Variants in NRK observed in about 807,000 individuals in gnomAD.
NRK encodes nik-related protein kinase.
NRK carries 67 observed loss-of-function variants against 125.2 expected under a neutral mutation model. The observed-to-expected ratio is 0.54, with a 90% CI of 0.44 to 0.66. NRK has a LOEUF of 0.66. Ranked by LOEUF, NRK falls within the 30% of genes least tolerant of loss-of-function variation. The pLI, the probability that NRK is intolerant of heterozygous loss-of-function variation, is 0.00. For missense variants in NRK, 1,224 were observed against 1,192.9 expected (o/e 1.03, Z -0.38); for synonymous variants, 458 against 429.0 (o/e 1.07, Z -0.84).
At chrX:105,862,050 A>G (rs1175828539) in intron 2 of NRK, among the ~76,000 whole-genome samples, 3 of 107,699 alleles carry the variant, frequency 2.8e-5, no homozygotes, top group Non-Finnish European at 3.8e-5. Flanking sequence ...GCGGCACAGC[A>G]AGACTCTTAT....
intron 16 of NRK, among the ~76,000 whole-genome samples, chrX:105,918,445 A>G (rs2040394270): frequency 9.0e-6 from 1 of 111,533 alleles, no homozygotes; most frequent in East Asian, 2.8e-4. Context: ...AAAATGATAC[A>G]GATGTACTTC....
intron 9 of NRK, among the ~76,000 whole-genome samples, chrX:105,905,000 A>C (rs1270635204): frequency 8.9e-6 from 1 of 112,626 alleles, no homozygotes; most frequent in East Asian, 2.8e-4. Context: ...TAAATTATCA[A>C]CTATACATTT....
At chrX:105,824,289 A>T (rs1929966742) in intron 1 of NRK, among the ~76,000 whole-genome samples, 1 of 111,797 alleles carries the variant, frequency 8.9e-6, no homozygotes, top group African/African-American at 3.3e-5. Flanking sequence ...CAGTGTGCAT[A>T]CATGAGATTT....
chrX:105,836,075 G>A (rs2039261527), intron 2 of NRK, among the ~76,000 whole-genome samples: 1 of 112,012 alleles, frequency 8.9e-6, no homozygotes, highest in Non-Finnish European at 1.9e-5. Flanking sequence ...TAATGCTCAT[G>A]TCCCATCTCT....
intron 10 of NRK, 34 bp downstream of exon 10, chrX:105,905,377 T>C: frequency 1.0e-6 from 1 of 991,642 alleles, no homozygotes; most frequent in Non-Finnish European, 1.4e-6. Context: ...CTAATTACAT[T>C]GACTTGACAT....
intron 2 of NRK, among the ~76,000 whole-genome samples, chrX:105,875,527 T>C (rs1039715333): frequency 9.0e-6 from 1 of 111,656 alleles, no homozygotes; most frequent in African/African-American, 3.2e-5. Flanking sequence ...TTCATTATCT[T>C]AATAACATGG....
At chrX:105,926,650 A>G (rs1475109302) in intron 19 of NRK, among the ~76,000 whole-genome samples, 1 of 111,333 alleles carries the variant, frequency 9.0e-6, no homozygotes, top group African/African-American at 3.3e-5. Context: ...TCTCTAATCT[A>G]TTTTGAGTTG....
At chrX:105,891,264 A>G (rs1210356805) in intron 5 of NRK, among the ~76,000 whole-genome samples, 1 of 111,798 alleles carries the variant, frequency 8.9e-6, no homozygotes, top group Non-Finnish European at 1.9e-5. Context: ...AACCTATGCT[A>G]CCTAAGTCAC....
rs2040318967 is a variant in NRK at position 105,912,768 on chromosome X, A to G, written c.2349+13A>G. The G allele has an allele frequency of 2.3e-6, 2 of 866,846 alleles. No individual in the cohort carries two copies. Among genetic ancestry groups the G allele is most frequent in the Non-Finnish European group, 3.3e-6 (2 of 614,154 alleles). The allele number at this position is 866,846 out of a possible 1,213,427, so 71.4% of individuals were successfully genotyped here. On this transcript the variant is annotated intron_variant, in intron 14 of 28. Coordinates refer to ENST00000243300, the MANE Select transcript of NRK (RefSeq NM_198465.4). ...TAAAAAAATTGAGGTAAATTTTTCAATATGAGTTGTTGTGACATTAGTAAG... is the reference window on the plus strand; with the variant it reads ...TAAAAAAATTGAGGTAAATTTTTCAGTATGAGTTGTTGTGACATTAGTAAG...
chrX:105,939,736 A>T, intron 22 of NRK, 138 bp from the exon 23 acceptor site: 1 of 409,585 alleles, frequency 2.4e-6, no homozygotes, highest in Non-Finnish European at 4.2e-6. Flanking sequence ...GGAGATTCTG[A>T]TGCAATGCAG....
chrX:105,874,466 C>A (rs16984861), intron 2 of NRK, among the ~76,000 whole-genome samples: 4 of 111,155 alleles, frequency 3.6e-5, no homozygotes, highest in Non-Finnish European at 7.5e-5. Flanking sequence ...ATTCTGGGTC[C>A]CCAGTGTAAA....
intron 4 of NRK, among the ~76,000 whole-genome samples, chrX:105,885,233 T>C (rs963725813): frequency 8.9e-6 from 1 of 112,527 alleles, no homozygotes; most frequent in Non-Finnish European, 1.9e-5. Context: ...TTAGAGCTAC[T>C]ATGAATTCAA....
At chrX:105,914,409 A>C (rs953300649) in intron 14 of NRK, among the ~76,000 whole-genome samples, 7 of 111,477 alleles carry the variant, frequency 6.3e-5, no homozygotes, top group African/African-American at 2.3e-4. Context: ...CTGACACTTT[A>C]AGCAGGAAAT....
At position 105,946,360 on chromosome X, in the gene NRK, A is replaced by G. The variant is rs1016299498; in HGVS notation, c.4249A>G (p.Ile1417Val). 8.3e-7 allele frequency: 1 copy of G among 1,198,605 alleles called. No homozygotes were observed. The highest frequency in any genetic ancestry group is 1.1e-6 in the Non-Finnish European group (1 of 883,742). The change falls in exon 26 of 29, where the codon ATT (isoleucine) becomes GTT (valine). Residue 1417 changes from isoleucine to valine, a missense_variant. Coordinates refer to ENST00000243300, the MANE Select transcript of NRK (RefSeq NM_198465.4). ...TAAGCCAGTGACAGTTGACCTGGCT[A>G]TTGGTTCTGAAAAAAGACTAAAGAT... ...DHKPVTVDLA[I>V]GSEKRLKIFF...
chrX:105,952,907 A>G (rs909338862), intron 27 of NRK, 127 bp from the exon 28 acceptor site: 3 of 540,391 alleles, frequency 5.6e-6, no homozygotes, highest in Non-Finnish European at 8.1e-6. Context: ...GGAGGGAAAA[A>G]CAGGATGTGC....
chrX:105,957,821 C>T lies in NRK; in HGVS notation c.*2221C>T, dbSNP rs756991333. The stretch of plus-strand genomic sequence containing the variant: ...GCTCATAGGTAATGAATATTTCTGA[C>T]TTAGATGTAAATCCATCTGGAATCT... On this transcript the variant is annotated 3_prime_UTR_variant, in exon 29 of 29. Coordinates refer to ENST00000243300, the MANE Select transcript of NRK (RefSeq NM_198465.4). 2.7e-5 allele frequency: 3 copies of T among 112,627 alleles called. No individual in the cohort carries two copies. Among genetic ancestry groups the T allele is most frequent in the Non-Finnish European group, 5.6e-5 (3 of 53,332 alleles). The allele number at this position is 112,627 out of a possible 1,213,427, so 9.3% of individuals were successfully genotyped here.
At chrX:105,905,193 C>T in intron 9 of NRK, 72 bp from the exon 10 acceptor site, 2 of 731,055 alleles carry the variant, frequency 2.7e-6, no homozygotes, top group Non-Finnish European at 4.2e-6. Context: ...CTGAGAATCC[C>T]CTCTGGAATA....
At chrX:105,930,632 C>T (rs1038688914) in intron 19 of NRK, among the ~76,000 whole-genome samples, 2 of 110,913 alleles carry the variant, frequency 1.8e-5, no homozygotes, top group African/African-American at 6.6e-5. Flanking sequence ...TATCATGTTT[C>T]CTTATTTGTT....
At chrX:105,950,045 C>T (rs1475076614) in intron 27 of NRK, among the ~76,000 whole-genome samples, 1 of 112,088 alleles carries the variant, frequency 8.9e-6, no homozygotes, top group Admixed American at 9.5e-5. Flanking sequence ...TACTTGCAGA[C>T]TTTACACAGA....
Sources: allele counts gnomAD v4.1 joint callset (sites outside exome capture counted in the v4.1 genomes callset), GRCh38; gene constraint gnomAD v4.1.1; transcripts MANE v1.5; gene names NCBI Gene and HGNC (gene_info 2026-07-23, HGNC 2026-07-21).